ZNF44: variants seen among roughly 807,000 people sequenced by gnomAD.
ZNF44 encodes the protein zinc finger protein 44.
Under a neutral mutation model 11.7 loss-of-function variants are expected in ZNF44, and 9 were observed. The ratio of observed to expected loss-of-function variants is 0.77; its 90% CI spans 0.46 to 1.35. The LOEUF is 1.35. ZNF44 is among the 40% of genes most tolerant of loss of function. The pLI, the probability that ZNF44 is intolerant of heterozygous loss-of-function variation, is 0.00. For missense variants in ZNF44, 696 were observed against 743.1 expected, an observed-to-expected ratio of 0.94 and a Z score of 0.74; for synonymous variants, 224 against 242.7, an observed-to-expected ratio of 0.92 and a Z score of 0.72.
intron 1 of ZNF44, among the ~76,000 whole-genome samples, chr19:12,281,095 T>C (rs1967457736): frequency 6.6e-6 from 1 of 152,196 alleles, no homozygotes. Flanking sequence ...ATCAATCAAC[T>C]GGATTTAATT....
At chr19:12,274,128 T>C (rs1967108896) in intron 3 of ZNF44, 65 bp from the exon 4 acceptor site, 1 of 1,399,314 alleles carries the variant, frequency 7.1e-7, no homozygotes, top group Non-Finnish European at 9.7e-7. Context: ...CAACAGGTAT[T>C]AGATTTACAT....
upstream of ZNF44, among the ~76,000 whole-genome samples, chr19:12,238,945 G>C (rs1046579433): frequency 6.6e-6 from 1 of 152,222 alleles, no homozygotes; most frequent in African/African-American, 2.4e-5. Context: ...GGATCAGTCT[G>C]TGAGTTCCTG....
chr19:12,239,185 T>A (rs1916514032), upstream of ZNF44, among the ~76,000 whole-genome samples: 1 of 151,522 alleles, frequency 6.6e-6, no homozygotes, highest in African/African-American at 2.4e-5. Context: ...TGATCTCGGC[T>A]CACTGCAGCC....
chr19:12,288,017 A>G (rs771402123), intron 1 of ZNF44, among the ~76,000 whole-genome samples: 6 of 152,198 alleles, frequency 3.9e-5, no homozygotes, highest in Admixed American at 6.5e-5. Flanking sequence ...GACAGCAAAT[A>G]TGTAGCATTT....
chr19:12,230,610 A>C (rs1170320533), intron 2 of ZNF44: 4 of 152,296 alleles, frequency 2.6e-5, no homozygotes, highest in Non-Finnish European at 4.4e-5. Flanking sequence ...GGATCCAGGA[A>C]TTAACTCAGG....
At chr19:12,225,833 G>C (rs1280809524), downstream of ZNF44, among the ~76,000 whole-genome samples, 3 of 152,176 alleles carry the variant, frequency 2.0e-5, no homozygotes, top group Non-Finnish European at 2.9e-5. Context: ...ACTTATTTTA[G>C]CTTAAGGTTT....
upstream of ZNF44, among the ~76,000 whole-genome samples, chr19:12,238,374 C>A (rs1365342543): frequency 6.6e-6 from 1 of 152,136 alleles, no homozygotes; most frequent in Non-Finnish European, 1.5e-5. Context: ...CGCCTGTAAT[C>A]CTAGCACTTT....
At chr19:12,238,020 G>A (rs1449118393), upstream of ZNF44, 1 of 152,238 alleles carries the variant, frequency 6.6e-6, no homozygotes, top group African/African-American at 2.4e-5. Flanking sequence ...ACAGGAGGGA[G>A]AGCCCAGATG....
At position 12,276,091 on chromosome 19, in the gene ZNF44, T is replaced by C; in HGVS notation, c.4-9A>G. ...TCAAAGGCCACTGAGTCCTGAAACATCCCATATGTCCAGAAAAGGAAGGTT... is the reference window on the plus strand; with the variant it reads ...TCAAAGGCCACTGAGTCCTGAAACACCCCATATGTCCAGAAAAGGAAGGTT... On this transcript the variant is annotated splice_polypyrimidine_tract_variant and intron_variant, in intron 1 of 3. Coordinates refer to ENST00000355684, the MANE Select transcript of ZNF44 (RefSeq NM_016264.4). 6.3e-7 allele frequency: 1 copy of C among 1,599,406 alleles called. No homozygotes were observed. The highest frequency in any genetic ancestry group is 8.5e-7 in the Non-Finnish European group (1 of 1,170,404).
At chr19:12,269,544 T>TAAAATAA, downstream of ZNF44, among the ~76,000 whole-genome samples, 1 of 151,716 alleles carries the variant, frequency 6.6e-6, no homozygotes, top group East Asian at 1.9e-4. Flanking sequence ...TAAAATAAAA[T>TAAAATAA]AAGAGATGGA....
chr19:12,244,624 G>A (rs1039509259), downstream of ZNF44: 8 of 152,572 alleles, frequency 5.2e-5, no homozygotes, highest in African/African-American at 1.9e-4. Flanking sequence ...AAAGCTACCA[G>A]GTGACCATAA....
intron 5 of ZNF44, among the ~76,000 whole-genome samples, chr19:12,255,434 C>A (rs1177452961): frequency 6.6e-6 from 1 of 152,010 alleles, no homozygotes; most frequent in Non-Finnish European, 1.5e-5. Context: ...ACTAATATCA[C>A]AAATGAAAAG....
chr19:12,279,546 A>G lies in ZNF44; in HGVS notation c.4-3464T>C, dbSNP rs1253552706. On this transcript the variant is annotated intron_variant, in intron 1 of 3. Coordinates refer to ENST00000355684, the MANE Select transcript of ZNF44 (RefSeq NM_016264.4). ...GAGAAACATGAAAATACGACTCATT[A>G]ATGGAAACAATTTGAGATAAATCTG... Among the ~76,000 whole-genome samples the G allele has an allele frequency of 3.8e-5, 5 of 133,258 alleles. No homozygotes were observed. In the East Asian group the frequency reaches 8.3e-4, roughly 22 times the overall value. 87.4% of individuals were successfully genotyped at this position (133,258 alleles called of 152,430 possible). A position where few individuals can be genotyped will look rare whatever the true frequency, so the allele number is the denominator to read the frequency against.
At chr19:12,293,565 C>T (rs1353297975) in intron 1 of ZNF44, among the ~76,000 whole-genome samples, 1 of 152,074 alleles carries the variant, frequency 6.6e-6, no homozygotes, top group Admixed American at 6.6e-5. Context: ...TTAAAAAGAG[C>T]CATACATTGC....
At chr19:12,285,902 C>G (rs1451468568) in intron 1 of ZNF44, among the ~76,000 whole-genome samples, 1 of 151,938 alleles carries the variant, frequency 6.6e-6, no homozygotes, top group East Asian at 1.9e-4. Flanking sequence ...GCCTGTAGTC[C>G]CAGCTACTCA....
intron 1 of ZNF44, among the ~76,000 whole-genome samples, chr19:12,281,155 TC>T (rs1967460253): frequency 1.3e-5 from 2 of 152,300 alleles, no homozygotes; most frequent in South Asian, 4.1e-4. Context: ...CATATTCTTC[TC>T]AAGCCTACAT....
chr19:12,249,097 G>A (rs1007461011), intron 7 of ZNF44, among the ~76,000 whole-genome samples: 9 of 151,898 alleles, frequency 5.9e-5, no homozygotes, highest in East Asian at 2.0e-4. Context: ...CTATGTTGCC[G>A]AGGCTGGTCT....
downstream of ZNF44, among the ~76,000 whole-genome samples, chr19:12,268,131 T>TACACAC (rs1230538619): frequency 2.0e-4 from 21 of 106,702 alleles, no homozygotes; most frequent in Non-Finnish European, 3.7e-4. Context: ...TTGGTGTTCT[T>TACACAC]ACACACACAC....
At chr19:12,248,158 G>A (rs913176282) in exon 8 of ZNF44, 4 of 1,303,128 alleles carry the variant, frequency 3.1e-6, no homozygotes, top group Non-Finnish European at 4.0e-6. Flanking sequence ...CGAGCAGAAT[G>A]GCGGTAAATG....
Sources: gnomAD v4.1 joint callset for allele counts (sites outside exome capture counted in the v4.1 genomes callset) on GRCh38, gnomAD v4.1.1 for gene constraint, MANE v1.5 for transcripts, NCBI Gene and HGNC (gene_info 2026-07-23, HGNC 2026-07-21) for gene names.